The following BCAS3 variants were observed in gnomAD, a reference collection of about 807,000 sequenced individuals.
The protein encoded by BCAS3 is BCAS3 microtubule associated cell migration factor.
BCAS3 carries 53 observed loss-of-function variants against 116.1 expected under a neutral mutation model. The ratio of observed to expected loss-of-function variants is 0.46; its 90% CI spans 0.37 to 0.57. The LOEUF (loss-of-function observed/expected upper bound fraction) is 0.57, where lower values mean the gene tolerates loss of function less well. Ranked by LOEUF, BCAS3 falls within the 20% of genes least tolerant of loss-of-function variation. BCAS3 has a pLI of 0.00. For missense variants in BCAS3, 917 were observed against 1,165.4 expected (o/e 0.79, Z 3.10); for synonymous variants, 391 against 408.2 (o/e 0.96, Z 0.51).
Position 61,021,644 on chromosome 17 carries a change from G to A in BCAS3, c.1637+5743G>A, listed in dbSNP as rs978037994. ...CATTTCTAAGCCTCAGGACTGTTGA[G>A]CAGCCGTAAGCCAGTGCTGATGGGC... On this transcript the variant is annotated intron_variant, in intron 16 of 23. Coordinates refer to ENST00000407086, the MANE Select transcript of BCAS3 (RefSeq NM_017679.5). This position sits in a 1 kb window ranked among gnomAD's most constrained non-coding sequence, Gnocchi z 4.6. 4.9e-4 allele frequency among the ~76,000 whole-genome samples: 74 copies of A among 152,180 alleles called. No homozygotes were observed. The highest frequency in any genetic ancestry group is 9.6e-4 in the Non-Finnish European group (65 of 68,034).
Position 60,689,686 on chromosome 17 carries a change from G to A in BCAS3, c.139G>A (p.Ala47Thr). The change falls in exon 4 of 24, where the codon GCT (alanine) becomes ACT (threonine). Residue 47 changes from alanine to threonine, a missense_variant and splice_region_variant. By Grantham distance (58) the Ala-to-Thr change is moderately conservative. This residue lies in a region of BCAS3 where 807 missense variants were observed against 1,026.0 expected (regional missense o/e 0.79). Coordinates refer to ENST00000407086, the MANE Select transcript of BCAS3 (RefSeq NM_017679.5). ...VTFLQDVVPQ[A>T]YSGTPLTEEK... ...TCAAATGTTTCTGTTTACTATGCAG[G>A]CTTACAGTGGAACACCTCTAACAGA... The A allele has an allele frequency of 6.3e-7, 1 of 1,592,422 alleles. No individual in the cohort carries two copies.
intron 2 of BCAS3, among the ~76,000 whole-genome samples, chr17:60,680,775 G>C (rs1446668589): frequency 1.3e-5 from 2 of 152,036 alleles, no homozygotes; most frequent in Non-Finnish European, 2.9e-5. Context: ...GGCCTCCCAA[G>C]TAGCTGGGAT....
chr17:60,915,722 G>A (rs1475197677), intron 12 of BCAS3, among the ~76,000 whole-genome samples: 16 of 146,278 alleles, frequency 1.1e-4, no homozygotes, highest in Non-Finnish European at 1.9e-4. Context: ...TCACTCTGTC[G>A]CCCAGGCTGG....
intron 19 of BCAS3, among the ~76,000 whole-genome samples, chr17:61,048,076 G>A (rs2068509196): frequency 6.6e-6 from 1 of 151,868 alleles, no homozygotes; most frequent in African/African-American, 2.4e-5. Context: ...TGTATTATTG[G>A]GTGTATACTT....
intron 22 of BCAS3, among the ~76,000 whole-genome samples, chr17:61,177,617 A>G (rs1301880080): frequency 6.6e-6 from 1 of 152,210 alleles, no homozygotes; most frequent in Admixed American, 6.5e-5. Context: ...CACTATGTTC[A>G]TTATCTTGAT....
chr17:61,206,386 A>G (rs1480802299), intron 22 of BCAS3, among the ~76,000 whole-genome samples: 2 of 152,182 alleles, frequency 1.3e-5, no homozygotes, highest in Non-Finnish European at 2.9e-5. Context: ...TATATTTTAA[A>G]ATCAGTAAGG....
chr17:61,005,258 G>A (rs2064583983), intron 15 of BCAS3, among the ~76,000 whole-genome samples: 2 of 151,978 alleles, frequency 1.3e-5, no homozygotes, highest in South Asian at 2.1e-4. Context: ...ATTAGTATTC[G>A]TGTGGTGTGC....
intron 22 of BCAS3, among the ~76,000 whole-genome samples, chr17:61,120,628 GCTACT>G (rs766104625): frequency 6.6e-6 from 1 of 151,922 alleles, no homozygotes; most frequent in Non-Finnish European, 1.5e-5. Flanking sequence ...ATGCTACCCC[GCTACT>G]CTACCATATT....
intron 7 of BCAS3, among the ~76,000 whole-genome samples, chr17:60,815,359 G>A (rs919102860): frequency 2.0e-5 from 3 of 151,926 alleles, no homozygotes; most frequent in African/African-American, 7.3e-5. Flanking sequence ...CGAGTTAATG[G>A]GTGCAGCACA....
chr17:60,866,258 G>A (rs1287524145), intron 7 of BCAS3, among the ~76,000 whole-genome samples: 1 of 151,800 alleles, frequency 6.6e-6, no homozygotes, highest in Admixed American at 6.6e-5. Context: ...CTGAGTAGCT[G>A]GGATTACAGA....
In BCAS3 at chr17:61,377,583, G is replaced by A. The variant is rs1015376016; in HGVS notation, c.2593+9089G>A. On this transcript the variant is annotated intron_variant, in intron 23 of 23. Coordinates refer to ENST00000407086, the MANE Select transcript of BCAS3 (RefSeq NM_017679.5). The surrounding 1 kb of genome is among the most constrained non-coding windows in gnomAD (Gnocchi z 4.6). ...CTGGGCAAGTGCCTTTCCCTCTCTG[G>A]GCCAGTTTCTTCCTCTGTGACACAG... Among the ~76,000 whole-genome samples, 1 of 152,100 alleles carries A rather than the reference G, an allele frequency of 6.6e-6. No homozygotes were observed. The highest frequency in any genetic ancestry group is 1.5e-5 in the Non-Finnish European group (1 of 68,004).
At chr17:61,016,715 T>C (rs1489779898) in intron 16 of BCAS3, among the ~76,000 whole-genome samples, 2 of 152,238 alleles carry the variant, frequency 1.3e-5, no homozygotes, top group Admixed American at 6.5e-5. Context: ...TTTACATTTC[T>C]GTATTAAAGT....
intron 10 of BCAS3, among the ~76,000 whole-genome samples, chr17:60,897,594 T>A (rs2057597415): frequency 6.6e-6 from 1 of 152,200 alleles, no homozygotes. Flanking sequence ...ATGTCTTCGC[T>A]TATTTTTAAA....
intron 13 of BCAS3, among the ~76,000 whole-genome samples, chr17:60,941,775 G>A (rs750682739): frequency 3.1e-4 from 47 of 152,122 alleles, no homozygotes; most frequent in Non-Finnish European, 5.3e-4. Flanking sequence ...ATATGGGAAC[G>A]TGTTCATTTG....
chr17:61,292,878 A>T (rs1009877289), intron 22 of BCAS3, among the ~76,000 whole-genome samples: 1 of 152,216 alleles, frequency 6.6e-6, no homozygotes, highest in African/African-American at 2.4e-5. Flanking sequence ...TCTGTTTTTC[A>T]TCAATACATA....
intron 13 of BCAS3, among the ~76,000 whole-genome samples, chr17:60,932,787 A>G (rs564216179): frequency 2.0e-5 from 3 of 150,718 alleles, no homozygotes; most frequent in African/African-American, 7.3e-5. Flanking sequence ...CCATCTCTAT[A>G]TATTGGGAGT....
intron 7 of BCAS3, among the ~76,000 whole-genome samples, chr17:60,814,269 TTG>T (rs67077498): frequency 0.025 from 3,298 of 134,526 alleles, 43 homozygotes; most frequent in East Asian, 0.071. Flanking sequence ...TCTTGGTATT[TTG>T]TGTGTGTGTG....
intron 22 of BCAS3, among the ~76,000 whole-genome samples, chr17:61,192,302 G>A: frequency 7.9e-6 from 1 of 126,776 alleles, no homozygotes; most frequent in Non-Finnish European, 1.7e-5. Context: ...TATATAATAA[G>A]AGTTCCAAAA....
At chr17:60,859,178 GATAA>G (rs1002429070) in intron 7 of BCAS3, among the ~76,000 whole-genome samples, 1 of 152,088 alleles carries the variant, frequency 6.6e-6, no homozygotes, top group South Asian at 2.1e-4. Context: ...AGAAAAACTT[GATAA>G]ATAATTTTTT....
Sources: allele counts gnomAD v4.1 joint callset (sites outside exome capture counted in the v4.1 genomes callset), GRCh38; gene constraint gnomAD v4.1.1; regional missense constraint gnomAD v4.1.1; non-coding constraint Gnocchi (gnomAD v3.1); transcripts MANE v1.5; gene names NCBI Gene and HGNC (gene_info 2026-07-23, HGNC 2026-07-21).